FHIT: variants seen among roughly 807,000 people sequenced by gnomAD.
FHIT encodes bis(5'-adenosyl)-triphosphatase.
In FHIT, 19 loss-of-function variants were observed where a neutral mutation model predicts 17.9. The observed-to-expected ratio is 1.06, with a 90% CI of 0.74 to 1.56. FHIT has a LOEUF of 1.56. FHIT is among the 40% of genes most tolerant of loss of function. The pLI, the probability that FHIT is intolerant of heterozygous loss-of-function variation, is 0.00. For missense variants in FHIT, 248 were observed against 189.2 expected, an observed-to-expected ratio of 1.31 and a Z score of -1.82; for synonymous variants, 81 against 69.7, an observed-to-expected ratio of 1.16 and a Z score of -0.81.
At chr3:61,174,697 C>T (rs1310881700) in intron 2 of FHIT, among the ~76,000 whole-genome samples, 4 of 152,102 alleles carry the variant, frequency 2.6e-5, no homozygotes, top group Admixed American at 2.6e-4. Context: ...AAATCTTTTC[C>T]ACTTATTAAT....
chr3:59,962,895 T>C (rs1288480870), intron 7 of FHIT, among the ~76,000 whole-genome samples: 1 of 152,178 alleles, frequency 6.6e-6, no homozygotes, highest in Non-Finnish European at 1.5e-5. Flanking sequence ...AGCAAATAGT[T>C]TGCACTTTGC....
At chr3:60,134,757 T>A (rs981667940) in intron 5 of FHIT, among the ~76,000 whole-genome samples, 2 of 152,136 alleles carry the variant, frequency 1.3e-5, no homozygotes, top group African/African-American at 4.8e-5. Context: ...TTATTTCAAG[T>A]CATCAAACGT....
intron 4 of FHIT, among the ~76,000 whole-genome samples, chr3:60,673,830 C>T (rs1325381601): frequency 6.6e-6 from 1 of 152,096 alleles, no homozygotes; most frequent in African/African-American, 2.4e-5. Context: ...TCCTCAGCAG[C>T]TTTTTTCTTT....
At chr3:60,176,353 AAAC>A (rs113365319) in intron 5 of FHIT, among the ~76,000 whole-genome samples, 95 of 152,216 alleles carry the variant, frequency 6.2e-4, no homozygotes, top group African/African-American at 2.0e-3. Flanking sequence ...CTCCATCTCA[AAAC>A]AACAACAACA....
chr3:60,045,278 T>C (rs1701604966), intron 5 of FHIT, among the ~76,000 whole-genome samples: 1 of 152,130 alleles, frequency 6.6e-6, no homozygotes, highest in Non-Finnish European at 1.5e-5. Context: ...GACTGGGCAA[T>C]TTACAAAAGA....
intron 4 of FHIT, among the ~76,000 whole-genome samples, chr3:60,564,661 A>C (rs1305610834): frequency 6.6e-6 from 1 of 152,184 alleles, no homozygotes; most frequent in African/African-American, 2.4e-5. Context: ...CAGGAAAACT[A>C]GAATTAGAAG....
At chr3:60,348,489 C>T (rs1710910266) in intron 5 of FHIT, among the ~76,000 whole-genome samples, 1 of 151,792 alleles carries the variant, frequency 6.6e-6, no homozygotes. Context: ...AAATAAAAAC[C>T]ACTAAAGGAA....
At chr3:59,805,582 A>T (rs1700164655) in intron 8 of FHIT, among the ~76,000 whole-genome samples, 1 of 152,100 alleles carries the variant, frequency 6.6e-6, no homozygotes, top group South Asian at 2.1e-4. Context: ...ATTAGACTAC[A>T]TCCTTTTTGA....
chr3:61,126,295 G>T (rs903798277), intron 2 of FHIT, among the ~76,000 whole-genome samples: 1 of 152,152 alleles, frequency 6.6e-6, no homozygotes, highest in Non-Finnish European at 1.5e-5. Context: ...CTTCTTTGTA[G>T]TTGAGAGAGA....
intron 5 of FHIT, among the ~76,000 whole-genome samples, chr3:60,459,179 TA>T (rs1041038499): frequency 1.3e-5 from 2 of 152,108 alleles, no homozygotes; most frequent in African/African-American, 4.8e-5. Context: ...GCTTTTACAT[TA>T]ATGTTTAAAA....
intron 5 of FHIT, among the ~76,000 whole-genome samples, chr3:60,325,325 G>A (rs1303844210): frequency 6.6e-6 from 1 of 152,116 alleles, no homozygotes. Flanking sequence ...AGTTTAGACT[G>A]TCACTAAAAA....
At chr3:60,830,837 A>G (rs947007222) in intron 3 of FHIT, among the ~76,000 whole-genome samples, 2 of 152,018 alleles carry the variant, frequency 1.3e-5, no homozygotes, top group Non-Finnish European at 2.9e-5. Flanking sequence ...CACACACACA[A>G]AACAAATGTT....
At chr3:60,117,429 T>G (rs1397969674) in intron 5 of FHIT, among the ~76,000 whole-genome samples, 2 of 148,836 alleles carry the variant, frequency 1.3e-5, no homozygotes, top group Non-Finnish European at 3.0e-5. Flanking sequence ...CTTCAGTGAT[T>G]AGCATTCCTG....
At chr3:60,340,656 T>C (rs577743038) in intron 5 of FHIT, among the ~76,000 whole-genome samples, 10 of 152,350 alleles carry the variant, frequency 6.6e-5, no homozygotes, top group African/African-American at 2.4e-4. Flanking sequence ...GAATATACAG[T>C]TGACCCTTGA....
intron 8 of FHIT, among the ~76,000 whole-genome samples, chr3:59,901,363 A>G (rs1200136510): frequency 6.6e-6 from 1 of 152,242 alleles, no homozygotes; most frequent in Non-Finnish European, 1.5e-5. Flanking sequence ...AAGTATGCCA[A>G]TCTCGGGAGA....
At chr3:60,577,577 A>G (rs782687283) in intron 4 of FHIT, among the ~76,000 whole-genome samples, 6 of 152,184 alleles carry the variant, frequency 3.9e-5, no homozygotes, top group African/African-American at 1.2e-4. Context: ...CCAAAAGTGT[A>G]TATTTTGTAA....
intron 4 of FHIT, among the ~76,000 whole-genome samples, chr3:60,698,733 A>G (rs781926825): frequency 7.9e-5 from 12 of 151,840 alleles, no homozygotes; most frequent in Non-Finnish European, 1.5e-4. Context: ...TTGCTCCCCT[A>G]CCCTTTTTAA....
At chr3:59,860,090 T>C (rs1249320295) in intron 8 of FHIT, among the ~76,000 whole-genome samples, 1 of 152,212 alleles carries the variant, frequency 6.6e-6, no homozygotes, top group Non-Finnish European at 1.5e-5. Context: ...ATACCGCAGT[T>C]CTTGCTACCC....
At chr3:60,346,650 C>T (rs1710795559) in intron 5 of FHIT, among the ~76,000 whole-genome samples, 1 of 152,138 alleles carries the variant, frequency 6.6e-6, no homozygotes, top group Admixed American at 6.6e-5. Context: ...TGTCTCCATG[C>T]CTAACTTTTC....
Sources: gnomAD v4.1 joint callset for allele counts (sites outside exome capture counted in the v4.1 genomes callset) on GRCh38, gnomAD v4.1.1 for gene constraint, MANE v1.5 for transcripts, NCBI Gene and HGNC (gene_info 2026-07-23, HGNC 2026-07-21) for gene names.